The following DDX6 variants were observed in gnomAD, a reference collection of about 807,000 sequenced individuals.
The protein encoded by DDX6 is DEAD-box helicase 6.
In DDX6, 7 loss-of-function variants were observed where a neutral mutation model predicts 60.6. The observed-to-expected ratio is 0.12, with a 90% CI of 0.07 to 0.22. The LOEUF (loss-of-function observed/expected upper bound fraction) is 0.22. DDX6 is among the 10% of genes least tolerant of loss of function. DDX6 has a pLI of 1.00. For missense variants in DDX6, 270 were observed against 589.9 expected (o/e 0.46, Z 5.62); for synonymous variants, 207 against 201.0 (o/e 1.03, Z -0.25).
Position 118,747,901 on chromosome 11 carries a change from G to GGCC in DDX6, c.*4203_*4204insGGC, listed in dbSNP as rs1352818982. On this transcript the variant is annotated 3_prime_UTR_variant, in exon 14 of 14. Coordinates refer to ENST00000534980, the MANE Select transcript of DDX6 (RefSeq NM_004397.6). ...CATAACACATCCCAACAAAAACAGA[G>GGCC]CCCCCCCCCCCCCCACTGGAACATC... 1.7e-4 allele frequency: 17 copies of GGCC among 101,202 alleles called. 1 individual carries two copies. The highest frequency in any genetic ancestry group is 1.9e-4 in the Non-Finnish European group (10 of 51,566). 6.3% of individuals were successfully genotyped at this position (101,202 alleles called of 1,614,324 possible).
At chr11:118,761,086 A>G (rs1861150316) in intron 7 of DDX6, among the ~76,000 whole-genome samples, 1 of 151,968 alleles carries the variant, frequency 6.6e-6, no homozygotes, top group Non-Finnish European at 1.5e-5. Context: ...GTTGCAGTTG[A>G]GCTGAGATCG....
intron 4 of DDX6, among the ~76,000 whole-genome samples, chr11:118,776,429 A>C (rs1393655665): frequency 6.6e-6 from 1 of 152,198 alleles, no homozygotes; most frequent in African/African-American, 2.4e-5. Context: ...GTTCACCTGC[A>C]GACATGAGTT....
chr11:118,763,089 A>T, intron 7 of DDX6, 123 bp downstream of exon 7: 1 of 618,880 alleles, frequency 1.6e-6, no homozygotes, highest in Non-Finnish European at 2.7e-6. Context: ...AAATTAATTT[A>T]AACTGATTGT....
rs1387516973 is a variant in DDX6 at position 118,748,435 on chromosome 11, C to A, written c.*3670G>T. 1 of 152,140 alleles carries A rather than the reference C, an allele frequency of 6.6e-6. No homozygotes were observed. Among genetic ancestry groups the A allele is most frequent in the Non-Finnish European group, 1.5e-5 (1 of 68,036 alleles). 9.4% of individuals were successfully genotyped at this position (152,140 alleles called of 1,614,324 possible). A position where few individuals can be genotyped will look rare whatever the true frequency, so the allele number is the denominator to read the frequency against. The stretch of plus-strand genomic sequence containing the variant: ...AGTACAACTACAATCTCACAGAAGT[C>A]CACTAAAGTTCACCAAAAAGCTGAC... On this transcript the variant is annotated 3_prime_UTR_variant, in exon 14 of 14. Coordinates refer to ENST00000534980, the MANE Select transcript of DDX6 (RefSeq NM_004397.6).
At position 118,760,016 on chromosome 11, in the gene DDX6, A is replaced by G; in HGVS notation, c.770T>C (p.Val257Ala). 6.2e-7 allele frequency: 1 copy of G among 1,612,498 alleles called. No homozygotes were observed. Among genetic ancestry groups the G allele is most frequent in the Non-Finnish European group, 8.5e-7 (1 of 1,179,516 alleles). ...GAGAATAATATCCTCCATTATCTGC[A>G]CAAAATCCTGTGACAGCAACTTATC... ...EADKLLSQDF[V>A]QIMEDIILTL... The change falls in exon 8 of 14, where the codon GTG (valine) becomes GCG (alanine). Residue 257 changes from valine (V) to alanine (A), a missense_variant. Transcript: ENST00000534980.
intron 13 of DDX6, 145 bp downstream of exon 13, chr11:118,754,560 G>C (rs1324115521): frequency 6.0e-6 from 4 of 664,644 alleles, no homozygotes; most frequent in Non-Finnish European, 9.8e-6. Flanking sequence ...TCCCACAAGA[G>C]ATATTATTTA....
upstream of DDX6, chr11:118,791,209 C>T (rs1032902597): frequency 6.6e-6 from 1 of 152,420 alleles, no homozygotes; most frequent in African/African-American, 2.4e-5. Flanking sequence ...CGCCTCCTCC[C>T]TCTTTCCCTG....
At chr11:118,780,114 CAAAAAAAAAAA>C (rs71044492) in intron 3 of DDX6, among the ~76,000 whole-genome samples, 11 of 40,286 alleles carry the variant, frequency 2.7e-4, no homozygotes, top group South Asian at 3.4e-3. Flanking sequence ...GACTCTATCT[CAAAAAAAAAAA>C]AAAAAAAAAA....
At chr11:118,763,423 T>C in intron 6 of DDX6, 117 bp from the exon 7 acceptor site, 1 of 768,738 alleles carries the variant, frequency 1.3e-6, no homozygotes, top group Non-Finnish European at 2.2e-6. Context: ...AATGCATTGC[T>C]ATGTGATGGT....
Position 118,765,345 on chromosome 11 carries a change from A to T in DDX6, c.510T>A (p.Ile170=), listed in dbSNP as rs781998124. ...LKKDNIQAMV[I]VPTRELALQV... ...GTAGAGCAAGTTCTCTAGTGGGAAC[A>T]ATCACCATTGCTGAAACAGTATCAA... Residue 170 remains isoleucine (I), a synonymous_variant, in exon 6 of 14, where the codon ATT becomes ATA. Transcript: ENST00000534980. 5.0e-6 allele frequency: 8 copies of T among 1,613,976 alleles called. No homozygotes were observed. In the South Asian group the frequency reaches 7.7e-5, roughly 16 times the overall value.
intron 7 of DDX6, among the ~76,000 whole-genome samples, chr11:118,761,874 A>AAC (rs1861181643): frequency 6.6e-6 from 1 of 151,792 alleles, no homozygotes; most frequent in Non-Finnish European, 1.5e-5. Context: ...AAAAAAAAAA[A>AAC]AAAACAAACC....
chr11:118,754,776 T>C lies in DDX6; in HGVS notation c.1388A>G (p.Asn463Ser), dbSNP rs1555158324. 6.2e-7 allele frequency: 1 copy of C among 1,613,926 alleles called. No individual in the cohort carries two copies. Among genetic ancestry groups the C allele is most frequent in the Non-Finnish European group, 8.5e-7 (1 of 1,179,882 alleles). ...LGTEIKPIPS[N>S]IDKSLYVAEY... ...TGCCACATACAGGCTCTTATCAATG[T>C]TGCTCGGAATAGGTTTAATTTCTGT... Residue 463 changes from asparagine (N) to serine (S), a missense_variant, in exon 13 of 14, where the codon AAC (asparagine) becomes AGC (serine). By Grantham distance (46) the Asn-to-Ser change is conservative (BLOSUM62 1). Transcript: ENST00000534980.
intron 3 of DDX6, 39 bp from the exon 4 acceptor site, chr11:118,779,775 A>T (rs11824829): frequency 7.0e-7 from 1 of 1,428,480 alleles, no homozygotes; most frequent in African/African-American, 1.4e-5. Context: ...AATAAATAAC[A>T]CTGTTGGTAA....
chr11:118,786,028 T>C, intron 2 of DDX6, 24 bp downstream of exon 2: 1 of 1,597,794 alleles, frequency 6.3e-7, no homozygotes, highest in Non-Finnish European at 8.6e-7. Flanking sequence ...CAAGTGTTTA[T>C]TAATAATTTA....
intron 1 of DDX6, chr11:118,786,727 T>C (rs1862086463): frequency 6.3e-6 from 1 of 159,650 alleles, no homozygotes; most frequent in East Asian, 1.5e-4. Context: ...ACATTTAAAA[T>C]TGTTAATTCA....
At chr11:118,768,710 A>G (rs1861434500) in intron 4 of DDX6, among the ~76,000 whole-genome samples, 1 of 152,120 alleles carries the variant, frequency 6.6e-6, no homozygotes, top group Non-Finnish European at 1.5e-5. Context: ...GCCTCCTTCA[A>G]ATAAAAATTG....
At chr11:118,790,011 G>A (rs1472409971) in intron 1 of DDX6, 1 of 152,188 alleles carries the variant, frequency 6.6e-6, no homozygotes, top group Admixed American at 6.5e-5. Context: ...GCACTTCACA[G>A]ATCGTAGTTA....
chr11:118,786,240 G>C lies in DDX6; in HGVS notation c.12C>G (p.Ala4=). ...CCATTATAACAGGGTTCTCTGTTCT[G>C]GCCGTGCTCATGCTGTTTTAATTGC... is the stretch of plus-strand genomic sequence containing the variant. MST[A]RTENPVIMGL... The change falls in exon 2 of 14, where the codon GCC becomes GCG. Residue 4 remains alanine (A), a synonymous_variant. Transcript: ENST00000534980. 6.2e-7 allele frequency: 1 copy of C among 1,602,160 alleles called. No homozygotes were observed. The highest frequency in any genetic ancestry group is 8.5e-7 in the Non-Finnish European group (1 of 1,174,514).
rs980423183 is a variant in DDX6 at position 118,749,534 on chromosome 11, C to T, written c.*2571G>A. 6.7e-6 allele frequency: 1 copy of T among 148,724 alleles called. No individual in the cohort carries two copies. Among genetic ancestry groups the T allele is most frequent in the Non-Finnish European group, 1.5e-5 (1 of 68,024 alleles). 9.2% of individuals were successfully genotyped at this position (148,724 alleles called of 1,614,324 possible). On this transcript the variant is annotated 3_prime_UTR_variant, in exon 14 of 14. Transcript: ENST00000534980. ...GTGCCACTCCTCATTAGAGGCTATA[C>T]TTCAGTAATACTTTCCATTTTAAGT...
Sources: gnomAD v4.1 joint callset for allele counts (sites outside exome capture counted in the v4.1 genomes callset) on GRCh38, gnomAD v4.1.1 for gene constraint, MANE v1.5 for transcripts, NCBI Gene and HGNC (gene_info 2026-07-23, HGNC 2026-07-21) for gene names.